The following AGBL4 variants were observed in gnomAD, a reference collection of about 807,000 sequenced individuals.
AGBL4 encodes cytosolic carboxypeptidase 6.
In AGBL4, 58 loss-of-function variants were observed where a neutral mutation model predicts 66.4. The ratio of observed to expected loss-of-function variants is 0.87; its 90% CI spans 0.71 to 1.09. The LOEUF is 1.09. Ranked by LOEUF, AGBL4 falls within the 50% of genes least tolerant of loss-of-function variation. The probability of loss-of-function intolerance (pLI) is 0.00; values close to 1 mark genes in which losing one functional copy is unlikely to be tolerated. For missense variants in AGBL4, 579 were observed against 631.0 expected (o/e 0.92, Z 0.88); for synonymous variants, 234 against 222.9 (o/e 1.05, Z -0.44).
At chr1:49,099,850 T>C (rs759028318) in intron 4 of AGBL4, among the ~76,000 whole-genome samples, 7 of 152,090 alleles carry the variant, frequency 4.6e-5, no homozygotes, top group Admixed American at 1.3e-4. Context: ...GAGCAGAAAG[T>C]CATGAGAAGG....
chr1:49,257,222 G>C (rs544034771), intron 3 of AGBL4, among the ~76,000 whole-genome samples: 60 of 152,296 alleles, frequency 3.9e-4, no homozygotes, highest in African/African-American at 1.4e-3. Context: ...GGACATTTAA[G>C]TCTGCAAAGG....
At chr1:48,751,603 T>G (rs1206785922) in intron 6 of AGBL4, among the ~76,000 whole-genome samples, 1 of 152,210 alleles carries the variant, frequency 6.6e-6, no homozygotes, top group Admixed American at 6.5e-5. Context: ...AGGCTTTGCC[T>G]GTAATGAACA....
At chr1:49,350,673 T>C (rs1199586832) in intron 3 of AGBL4, among the ~76,000 whole-genome samples, 2 of 152,202 alleles carry the variant, frequency 1.3e-5, no homozygotes, top group Non-Finnish European at 2.9e-5. Flanking sequence ...TGTTCTTTAA[T>C]GGTGATTTCT....
At chr1:49,570,872 C>A (rs557319795) in intron 3 of AGBL4, among the ~76,000 whole-genome samples, 1 of 152,122 alleles carries the variant, frequency 6.6e-6, no homozygotes, top group Non-Finnish European at 1.5e-5. Context: ...TTTTTGTCAA[C>A]TTTTTCAAAG....
intron 3 of AGBL4, among the ~76,000 whole-genome samples, chr1:49,417,802 A>T (rs1645460058): frequency 6.6e-6 from 1 of 152,136 alleles, no homozygotes; most frequent in Non-Finnish European, 1.5e-5. Context: ...TACAGAAGCA[A>T]TCTTACCAGA....
At chr1:49,897,375 A>G (rs549366396) in intron 1 of AGBL4, among the ~76,000 whole-genome samples, 2 of 152,142 alleles carry the variant, frequency 1.3e-5, no homozygotes, top group African/African-American at 4.8e-5. Flanking sequence ...ATAAAATTAT[A>G]TACGTCAGAA....
intron 1 of AGBL4, among the ~76,000 whole-genome samples, chr1:49,908,755 C>T (rs1237513008): frequency 6.6e-6 from 1 of 151,920 alleles, no homozygotes; most frequent in East Asian, 1.9e-4. Context: ...GAATGAGACC[C>T]TGTATCAAAT....
At chr1:49,048,271 T>C (rs920915961) in intron 4 of AGBL4, 4 of 152,186 alleles carry the variant, frequency 2.6e-5, no homozygotes, top group African/African-American at 9.6e-5. Flanking sequence ...GGGTATATGC[T>C]TTCAATTCTG....
intron 3 of AGBL4, among the ~76,000 whole-genome samples, chr1:49,574,975 C>T (rs1644407591): frequency 6.6e-6 from 1 of 152,072 alleles, no homozygotes; most frequent in Non-Finnish European, 1.5e-5. Flanking sequence ...AGCCATTTTA[C>T]AGACCCAGAA....
intron 2 of AGBL4, among the ~76,000 whole-genome samples, chr1:49,766,355 G>C (rs1229010514): frequency 6.6e-6 from 1 of 152,010 alleles, no homozygotes; most frequent in Non-Finnish European, 1.5e-5. Flanking sequence ...ATAAGTGAAG[G>C]AGAAATAAAA....
At chr1:48,704,026 G>A (rs1646843398) in intron 6 of AGBL4, among the ~76,000 whole-genome samples, 1 of 152,186 alleles carries the variant, frequency 6.6e-6, no homozygotes, top group Non-Finnish European at 1.5e-5. Flanking sequence ...TAAGCTGTAT[G>A]GTGTACCTAT....
At chr1:49,257,456 A>C (rs1652630219) in intron 3 of AGBL4, 1 of 154,694 alleles carries the variant, frequency 6.5e-6, no homozygotes, top group African/African-American at 2.4e-5. Context: ...AGACTCCGTG[A>C]GCATAGGACT....
chr1:49,317,223 G>C (rs868496489), intron 3 of AGBL4, among the ~76,000 whole-genome samples: 1 of 151,960 alleles, frequency 6.6e-6, no homozygotes, highest in African/African-American at 2.4e-5. Context: ...ACAAATAATA[G>C]GTGTTGTTTT....
chr1:49,469,507 T>C (rs563259956), intron 3 of AGBL4, among the ~76,000 whole-genome samples: 36 of 151,926 alleles, frequency 2.4e-4, no homozygotes, highest in African/African-American at 7.9e-4. Flanking sequence ...TTTAAAATAA[T>C]TGCACTGCAA....
At chr1:49,074,132 A>G (rs1409893671) in intron 4 of AGBL4, among the ~76,000 whole-genome samples, 1 of 152,150 alleles carries the variant, frequency 6.6e-6, no homozygotes, top group African/African-American at 2.4e-5. Flanking sequence ...TGCCGCGCTC[A>G]CAGCAAGAAT....
At position 49,284,635 on chromosome 1, in the gene AGBL4, G is replaced by A. The variant is rs574040738; in HGVS notation, c.283-38771C>T. ...GCTGTATTCTGGAAACCCATCTCAC[G>A]TGCAGAGACACACATAGGGTCAAAA... is the stretch of plus-strand genomic sequence containing the variant. On this transcript the variant is annotated intron_variant, in intron 3 of 13. Coordinates refer to ENST00000371839, the MANE Select transcript of AGBL4 (RefSeq NM_032785.4). Among the ~76,000 whole-genome samples the A allele has an allele frequency of 1.6e-4, 24 of 152,254 alleles. No individual in the cohort carries two copies. The East Asian group carries it at 3.9e-3, about 24-fold the overall frequency.
chr1:48,854,645 T>C (rs1647105611), intron 6 of AGBL4, among the ~76,000 whole-genome samples: 1 of 152,162 alleles, frequency 6.6e-6, no homozygotes, highest in South Asian at 2.1e-4. Context: ...TATCCCCCAA[T>C]TTCAGGGGTG....
intron 4 of AGBL4, among the ~76,000 whole-genome samples, chr1:49,098,659 G>A (rs993700284): frequency 6.6e-6 from 1 of 152,176 alleles, no homozygotes; most frequent in Admixed American, 6.5e-5. Flanking sequence ...ACTGCAACCT[G>A]GCACTGGCCT....
intron 3 of AGBL4, among the ~76,000 whole-genome samples, chr1:49,526,002 G>A (rs1650630887): frequency 6.6e-6 from 1 of 151,950 alleles, no homozygotes; most frequent in Admixed American, 6.6e-5. Flanking sequence ...TGAGGCAGGA[G>A]AATGGCGTGA....
Sources: allele counts gnomAD v4.1 joint callset (sites outside exome capture counted in the v4.1 genomes callset), GRCh38; gene constraint gnomAD v4.1.1; transcripts MANE v1.5; gene names NCBI Gene and HGNC (gene_info 2026-07-23, HGNC 2026-07-21).